Variants in TOR1AIP2 observed in about 807,000 individuals in gnomAD.
The protein encoded by TOR1AIP2 is torsin-1A-interacting protein 2.
TOR1AIP2 carries 20 observed loss-of-function variants against 32.6 expected under a neutral mutation model. That is an observed-to-expected ratio of 0.61 (90% CI 0.43 to 0.89). The LOEUF (loss-of-function observed/expected upper bound fraction) is 0.89, where lower values mean the gene tolerates loss of function less well. TOR1AIP2 is among the 40% of genes least tolerant of loss of function. The pLI is 0.00. For synonymous variants in TOR1AIP2, 214 were observed against 210.8 expected (o/e 1.02, Z -0.13); for missense variants, 456 against 553.8 (o/e 0.82, Z 1.77).
At chr1:179,849,349 C>A (rs973570716) in intron 5 of TOR1AIP2, among the ~76,000 whole-genome samples, 1 of 152,088 alleles carries the variant, frequency 6.6e-6, no homozygotes, top group Non-Finnish European at 1.5e-5. Context: ...TGGGCTCAAG[C>A]AATCCTCCCA....
Position 179,846,168 on chromosome 1 carries a change from T to A in TOR1AIP2, c.1316A>T (p.Asp439Val). The change falls in exon 7 of 7, where the codon GAC (aspartate) becomes GTC (valine). Residue 439 changes from aspartate to valine, a missense_variant. Transcript: ENST00000609928. Reference sequence around the variant, plus strand: ...CCACAGCCCACTCAATTTGTCTGAGTCCATGTGGTTGAAGGAGGTGGGAGT... The same window carrying A: ...CCACAGCCCACTCAATTTGTCTGAGACCATGTGGTTGAAGGAGGTGGGAGT... ...SDTPTSFNHM[D>V]SDKLSGLWSR... The A allele has an allele frequency of 6.2e-7, 1 of 1,614,158 alleles. No individual in the cohort carries two copies. The highest frequency in any genetic ancestry group is 8.5e-7 in the Non-Finnish European group (1 of 1,180,020).
chr1:179,861,629 CTG>C, intron 3 of TOR1AIP2: 1 of 985,386 alleles, frequency 1.0e-6, no homozygotes, highest in Non-Finnish European at 1.2e-6. Context: ...AAAAATGTGG[CTG>C]AGTTATGACC....
At chr1:179,859,735 TA>T (rs1696444305) in intron 3 of TOR1AIP2, 3 of 985,476 alleles carry the variant, frequency 3.0e-6, no homozygotes, top group African/African-American at 3.5e-5. Context: ...CCAGGCCTTT[TA>T]ATCTTTACAC....
rs1695911817 is a variant in TOR1AIP2 at position 179,846,542 on chromosome 1, A to G, written c.942T>C (p.His314=). The G allele has an allele frequency of 6.2e-7, 1 of 1,614,174 alleles. No individual in the cohort carries two copies. The highest frequency in any genetic ancestry group is 1.3e-5 in the African/African-American group (1 of 75,040). ...GRETLKCLSH[H]VADAYTSSQK... is the part of the protein sequence containing the mutation. ...GGGAAGAGGTGTAGGCATCTGCAAC[A>G]TGGTGGCTCAGGCACTTCAGGGTCT... The change falls in exon 7 of 7, where the codon CAT becomes CAC. Residue 314 remains histidine, a synonymous_variant. Coordinates refer to ENST00000609928, the MANE Select transcript of TOR1AIP2 (RefSeq NM_001199260.2).
Position 179,864,839 on chromosome 1 carries a change from T to C in TOR1AIP2, c.-147+597A>G, listed in dbSNP as rs532777677. On this transcript the variant is annotated intron_variant, in intron 3 of 6. Transcript: ENST00000609928. Reference sequence around the variant, plus strand: ...TTTATCTGTTCTGGTCAAGATTAACTGTAATGCAGGGTTAAAACCAGCTAC... The same window carrying C: ...TTTATCTGTTCTGGTCAAGATTAACCGTAATGCAGGGTTAAAACCAGCTAC... 8.1e-6 allele frequency: 13 copies of C among 1,613,980 alleles called. No homozygotes were observed. The Admixed American group carries it at 1.5e-4, about 19-fold the overall frequency.
chr1:179,852,917 CT>C (rs752135380), intron 3 of TOR1AIP2, 106 bp from the exon 4 acceptor site: 2 of 844,586 alleles, frequency 2.4e-6, no homozygotes, highest in Non-Finnish European at 3.0e-6. Context: ...ACTATTTCCT[CT>C]GTGAAACTTT....
At chr1:179,872,905 T>A (rs1380604575) in intron 2 of TOR1AIP2, among the ~76,000 whole-genome samples, 2 of 152,260 alleles carry the variant, frequency 1.3e-5, no homozygotes, top group Non-Finnish European at 2.9e-5. Flanking sequence ...TTTGAACTAA[T>A]TTTAGACTTA....
chr1:179,863,568 C>G, intron 3 of TOR1AIP2: 3 of 984,758 alleles, frequency 3.0e-6, no homozygotes, highest in Non-Finnish European at 3.6e-6. Context: ...GTGGCTCACG[C>G]CTGTAATCCC....
intron 2 of TOR1AIP2, chr1:179,868,816 T>G (rs1696897482): frequency 6.6e-6 from 1 of 152,160 alleles, no homozygotes. Flanking sequence ...ACATAAAGTT[T>G]CAAAAGGATA....
At position 179,848,974 on chromosome 1, in the gene TOR1AIP2, C is replaced by CAA. The variant is rs369296501; in HGVS notation, c.554-1340_554-1339dup. ...TGAAATCCCGTCTCTACTAAAAATA[C>CAA]AAAAAAAAAAAATTAGTTGGGCACG... On this transcript the variant is annotated intron_variant, in intron 5 of 6. Coordinates refer to ENST00000609928, the MANE Select transcript of TOR1AIP2 (RefSeq NM_001199260.2). Among the ~76,000 whole-genome samples, 178 of 144,108 alleles carry CAA rather than the reference C, an allele frequency of 1.2e-3. 1 individual carries two copies. The highest frequency in any genetic ancestry group is 4.3e-3 in the African/African-American group (172 of 39,654). The allele number at this position is 144,108 out of a possible 152,430, so 94.5% of individuals were successfully genotyped here. A position where few individuals can be genotyped will look rare whatever the true frequency, so the allele number is the denominator to read the frequency against.
chr1:179,860,792 G>A lies in TOR1AIP2; in HGVS notation c.-147+4644C>T, dbSNP rs1696495706. ...CTCTATAAAAAGCAATTTTCAAGCT[G>A]TGTCCCCAAAATTCCATGGAGACTC... On this transcript the variant is annotated intron_variant, in intron 3 of 6. Coordinates refer to ENST00000609928, the MANE Select transcript of TOR1AIP2 (RefSeq NM_001199260.2). 4.9e-5 allele frequency: 48 copies of A among 985,328 alleles called. No individual in the cohort carries two copies. In the South Asian group the frequency reaches 2.0e-3, roughly 41 times the overall value. 61.0% of individuals were successfully genotyped at this position (985,328 alleles called of 1,614,324 possible).
intron 3 of TOR1AIP2, chr1:179,863,811 T>C (rs1696656222): frequency 1.0e-6 from 1 of 985,300 alleles, no homozygotes; most frequent in Non-Finnish European, 1.2e-6. Flanking sequence ...ATTTAAAAAT[T>C]GTTCAGTGGC....
At chr1:179,857,113 G>A (rs1268666876) in intron 3 of TOR1AIP2, among the ~76,000 whole-genome samples, 1 of 152,218 alleles carries the variant, frequency 6.6e-6, no homozygotes, top group Admixed American at 6.5e-5. Context: ...TCTTCTACAA[G>A]GAACTGATGA....
chr1:179,860,204 T>C (rs906771281), intron 3 of TOR1AIP2: 1 of 985,260 alleles, frequency 1.0e-6, no homozygotes, highest in Admixed American at 6.2e-5. Context: ...TAAGACTCGG[T>C]GGACACGGCG....
chr1:179,876,880 C>T (rs1437579966), intron 2 of TOR1AIP2, among the ~76,000 whole-genome samples: 2 of 152,126 alleles, frequency 1.3e-5, no homozygotes, highest in South Asian at 4.1e-4. Context: ...AAGGCACAAA[C>T]TTTTTCATCA....
At chr1:179,862,005 T>G in intron 3 of TOR1AIP2, 3 of 985,306 alleles carry the variant, frequency 3.0e-6, no homozygotes, top group Non-Finnish European at 3.6e-6. Context: ...CGGCATGAGG[T>G]GTTATTTATA....
intron 3 of TOR1AIP2, among the ~76,000 whole-genome samples, chr1:179,857,579 C>G (rs970563156): frequency 6.6e-6 from 1 of 152,128 alleles, no homozygotes; most frequent in African/African-American, 2.4e-5. Context: ...TTCATCTCAC[C>G]GTAAAATGGT....
chr1:179,857,375 G>A (rs1696344312), intron 3 of TOR1AIP2, among the ~76,000 whole-genome samples: 1 of 152,160 alleles, frequency 6.6e-6, no homozygotes, highest in South Asian at 2.1e-4. Context: ...AAGGCTGTAA[G>A]GTTTTATTCT....
intron 3 of TOR1AIP2, among the ~76,000 whole-genome samples, chr1:179,858,116 C>G (rs1295074807): frequency 6.6e-6 from 1 of 151,368 alleles, no homozygotes; most frequent in Non-Finnish European, 1.5e-5. Flanking sequence ...GATCACACCA[C>G]TGCAATCCAG....
Sources: gnomAD v4.1 joint callset for allele counts (sites outside exome capture counted in the v4.1 genomes callset) on GRCh38, gnomAD v4.1.1 for gene constraint, MANE v1.5 for transcripts, NCBI Gene and HGNC (gene_info 2026-07-23, HGNC 2026-07-21) for gene names.